Variants in EYA2 observed in about 807,000 individuals in gnomAD.
EYA2 encodes the protein EYA transcriptional coactivator and phosphatase 2, also known as protein phosphatase EYA2.
In EYA2, 31 loss-of-function variants were observed where a neutral mutation model predicts 69.2. The observed-to-expected ratio is 0.45, with a 90% CI of 0.34 to 0.60. The LOEUF is 0.60. Among genes scored for constraint, EYA2 ranks in the 20% least tolerant of loss-of-function variants. The probability of loss-of-function intolerance (pLI) is 0.02; values close to 1 mark genes in which losing one functional copy is unlikely to be tolerated. For synonymous variants in EYA2, 257 were observed against 279.4 expected, an observed-to-expected ratio of 0.92 and a Z score of 0.80; for missense variants, 622 against 701.2, an observed-to-expected ratio of 0.89 and a Z score of 1.28.
chr20:47,185,440 ACAGGC>A (rs1202218527), intron 15 of EYA2, among the ~76,000 whole-genome samples: 2 of 151,822 alleles, frequency 1.3e-5, no homozygotes, highest in Non-Finnish European at 2.9e-5. Flanking sequence ...AGCTGGGATT[ACAGGC>A]ATGAGCCACC....
At chr20:47,028,211 C>T (rs1984206020) in intron 5 of EYA2, among the ~76,000 whole-genome samples, 1 of 152,220 alleles carries the variant, frequency 6.6e-6, no homozygotes, top group East Asian at 1.9e-4. Flanking sequence ...CACCAGGAAT[C>T]CAACCAGCTG....
At chr20:46,980,470 TTTTG>T (rs1198439262) in intron 1 of EYA2, among the ~76,000 whole-genome samples, 2 of 152,184 alleles carry the variant, frequency 1.3e-5, no homozygotes, top group Non-Finnish European at 2.9e-5. Flanking sequence ...TTTTGTTTAG[TTTTG>T]TTTTTTATTG....
chr20:47,063,525 C>G (rs1303529093), intron 5 of EYA2, among the ~76,000 whole-genome samples: 3 of 151,928 alleles, frequency 2.0e-5, no homozygotes, highest in African/African-American at 7.3e-5. Context: ...AGGAAAACCC[C>G]ACCTCTGCAC....
chr20:47,093,823 A>G (rs918412196), intron 8 of EYA2, among the ~76,000 whole-genome samples: 1 of 152,176 alleles, frequency 6.6e-6, no homozygotes, highest in Non-Finnish European at 1.5e-5. Flanking sequence ...GGAGGTATGC[A>G]CCTGCACGCC....
At chr20:47,163,436 C>T (rs1162245272) in intron 10 of EYA2, among the ~76,000 whole-genome samples, 9 of 152,094 alleles carry the variant, frequency 5.9e-5, no homozygotes, top group Non-Finnish European at 7.4e-5. Context: ...ACGTGGCTCA[C>T]GCCTGTAATC....
chr20:47,118,340 T>TTGCAGCACGGCTGGGAGAAGGA (rs1452161756), intron 9 of EYA2, among the ~76,000 whole-genome samples: 1 of 152,232 alleles, frequency 6.6e-6, no homozygotes, highest in African/African-American at 2.4e-5. Flanking sequence ...ATTATTTTCT[T>TTGCAGCACGGCTGGGAGAAGGA]TGCAGCACGG....
intron 2 of EYA2, among the ~76,000 whole-genome samples, chr20:46,995,129 G>A (rs1472607080): frequency 1.1e-4 from 17 of 151,814 alleles, no homozygotes; most frequent in Admixed American, 9.2e-4. Context: ...TTGAACTCCC[G>A]ACCTCAGGTG....
intron 5 of EYA2, among the ~76,000 whole-genome samples, chr20:47,071,254 C>T (rs1031261371): frequency 5.3e-5 from 8 of 152,084 alleles, no homozygotes; most frequent in Non-Finnish European, 1.2e-4. Flanking sequence ...CTGATCCTCC[C>T]GTCTCAGCCT....
intron 1 of EYA2, among the ~76,000 whole-genome samples, chr20:46,936,917 G>A (rs778860367): frequency 5.3e-5 from 8 of 152,150 alleles, no homozygotes; most frequent in Non-Finnish European, 8.8e-5. Context: ...GTTCAAGCCC[G>A]CTCGGGTCCC....
chr20:47,154,299 C>T (rs2033878708), intron 10 of EYA2, among the ~76,000 whole-genome samples: 1 of 152,010 alleles, frequency 6.6e-6, no homozygotes, highest in African/African-American at 2.4e-5. Context: ...GTTAGGGCCC[C>T]ACCCTGTGAC....
intron 10 of EYA2, chr20:47,161,271 C>G (rs1406500501): frequency 3.7e-6 from 2 of 535,642 alleles, no homozygotes; most frequent in East Asian, 9.6e-5. Flanking sequence ...ATGATGGCCC[C>G]GCGGATGGCG....
chr20:47,151,373 A>AG (rs955909322), intron 10 of EYA2, among the ~76,000 whole-genome samples: 2 of 151,722 alleles, frequency 1.3e-5, no homozygotes, highest in African/African-American at 4.8e-5. Flanking sequence ...TCCATCTCAA[A>AG]AAAAAAAAGC....
rs745599507 is a variant in EYA2, at chr20:46,990,081, G to A, written c.71G>A (p.Arg24His). 14 of 1,612,160 alleles carry A rather than the reference G, an allele frequency of 8.7e-6. No homozygotes were observed. Among genetic ancestry groups the A allele is most frequent in the African/African-American group, 4.0e-5 (3 of 74,896 alleles). Residue 24 changes from arginine to histidine, a missense_variant, in exon 2 of 16, where the codon CGT becomes CAT. Arg to His is a conservative substitution (Grantham distance 29). Transcript: ENST00000327619. ...TGTCTGGATAAACTGAAGTTTAACC[G>A]TGCTGACGCTGCTGTGTGGACTCTG... ...SDCLDKLKFN[R>H]ADAAVWTLSD...
chr20:47,081,893 G>T (rs569263872), intron 7 of EYA2, among the ~76,000 whole-genome samples: 1 of 151,876 alleles, frequency 6.6e-6, no homozygotes, highest in Non-Finnish European at 1.5e-5. Context: ...AGGCTGGAGT[G>T]CGATGGTGTG....
chr20:47,149,313 G>C (rs2033770883), intron 10 of EYA2, among the ~76,000 whole-genome samples: 2 of 152,094 alleles, frequency 1.3e-5, no homozygotes, highest in Non-Finnish European at 2.9e-5. Flanking sequence ...CAGAAGAAAA[G>C]GGATCTAAAG....
intron 1 of EYA2, among the ~76,000 whole-genome samples, chr20:46,927,412 A>G (rs1045146620): frequency 6.6e-6 from 1 of 152,202 alleles, no homozygotes; most frequent in African/African-American, 2.4e-5. Context: ...GGCTGTATTA[A>G]TCTGTTCTCA....
intron 1 of EYA2, among the ~76,000 whole-genome samples, chr20:46,906,953 A>G (rs2146217719): frequency 6.6e-6 from 1 of 152,318 alleles, no homozygotes. Context: ...TGCGTATTCC[A>G]TTATCTTTAG....
intron 1 of EYA2, among the ~76,000 whole-genome samples, chr20:46,919,915 G>T (rs1442879163): frequency 6.6e-6 from 1 of 152,168 alleles, no homozygotes; most frequent in African/African-American, 2.4e-5. Flanking sequence ...TTGTGGATTG[G>T]CCCAGTTTCA....
intron 7 of EYA2, among the ~76,000 whole-genome samples, chr20:47,083,154 T>C (rs1403843384): frequency 6.6e-6 from 1 of 151,944 alleles, no homozygotes; most frequent in African/African-American, 2.4e-5. Context: ...CATACCACTG[T>C]ACTCCAGCCT....
Sources: allele counts gnomAD v4.1 joint callset (sites outside exome capture counted in the v4.1 genomes callset), GRCh38; gene constraint gnomAD v4.1.1; transcripts MANE v1.5; gene names NCBI Gene and HGNC (gene_info 2026-07-23, HGNC 2026-07-21).